PPP2R5C: variants seen among roughly 807,000 people sequenced by gnomAD.
The protein encoded by PPP2R5C is protein phosphatase 2 regulatory subunit B'gamma.
A neutral mutation model predicts 68.9 loss-of-function variants in PPP2R5C; 7 were observed. The ratio of observed to expected loss-of-function variants is 0.10; its 90% confidence interval spans 0.06 to 0.19. PPP2R5C has a LOEUF of 0.19. PPP2R5C is among the 10% of genes least tolerant of loss of function. The pLI is 1.00. For synonymous variants in PPP2R5C, 210 were observed against 222.2 expected (o/e 0.95, Z 0.49); for missense variants, 348 against 641.3 (o/e 0.54, Z 4.94).
chr14:101,791,417 A>T (rs902385338), intron 3 of PPP2R5C, among the ~76,000 whole-genome samples: 5 of 152,182 alleles, frequency 3.3e-5, no homozygotes, highest in African/African-American at 1.2e-4. Flanking sequence ...CCCAGATATG[A>T]GTCCTTTATT....
intron 5 of PPP2R5C, among the ~76,000 whole-genome samples, chr14:101,884,255 G>A (rs572701508): frequency 4.6e-5 from 7 of 152,262 alleles, no homozygotes; most frequent in South Asian, 4.1e-4. Flanking sequence ...TGGCCGCACC[G>A]GCAGCTGATT....
intron 2 of PPP2R5C, among the ~76,000 whole-genome samples, chr14:101,769,855 G>A (rs1396838691): frequency 6.6e-6 from 1 of 152,124 alleles, no homozygotes; most frequent in East Asian, 1.9e-4. Flanking sequence ...TAATGAGGGG[G>A]TACGTTCTGA....
intron 3 of PPP2R5C, among the ~76,000 whole-genome samples, chr14:101,798,861 G>A (rs1447706962): frequency 6.6e-6 from 1 of 152,172 alleles, no homozygotes; most frequent in Non-Finnish European, 1.5e-5. Flanking sequence ...GGAGGTGAGT[G>A]GAAGGCATCC....
intron 1 of PPP2R5C, chr14:101,810,359 G>C: frequency 4.3e-6 from 1 of 230,596 alleles, no homozygotes; most frequent in Non-Finnish European, 8.5e-6. Context: ...ATTGGGTGGG[G>C]GTAGGAAGGA....
intron 1 of PPP2R5C, among the ~76,000 whole-genome samples, chr14:101,852,254 A>G (rs2042198958): frequency 6.6e-6 from 1 of 152,136 alleles, no homozygotes; most frequent in African/African-American, 2.4e-5. Context: ...TCTAGATATC[A>G]CTGACCAGTG....
At chr14:101,883,620 G>T in intron 5 of PPP2R5C, 58 bp downstream of exon 7, 1 of 1,582,516 alleles carries the variant, frequency 6.3e-7, no homozygotes, top group Non-Finnish European at 8.6e-7. Context: ...TTCCCCCCTC[G>T]ATGCTCCCCT....
chr14:101,867,307 G>A, intron 2 of PPP2R5C, among the ~76,000 whole-genome samples: 1 of 152,028 alleles, frequency 6.6e-6, no homozygotes, highest in East Asian at 1.9e-4. Context: ...CTCGGTCGGG[G>A]CTGAGGTGGG....
At chr14:101,896,655 A>AT (rs11457137) in intron 8 of PPP2R5C, among the ~76,000 whole-genome samples, 6 of 150,446 alleles carry the variant, frequency 4.0e-5, no homozygotes, top group African/African-American at 1.2e-4. Context: ...AAAAAAAAAA[A>AT]GTGTATATCT....
At position 101,906,302 on chromosome 14, in the gene PPP2R5C, C is replaced by A; in HGVS notation, c.1024-100C>A. ...GTAGAAATAATCATAATTTTCTGGT[C>A]CAAGGTAGTTCATTACCCGACTCAC... On this transcript the variant is annotated intron_variant, in intron 9 of 13. Transcript: ENST00000334743. The surrounding 1 kb of genome is among the most constrained non-coding windows in gnomAD (Gnocchi z 4.0). 2.3e-6 allele frequency: 3 copies of A among 1,282,590 alleles called. No individual in the cohort carries two copies. Among genetic ancestry groups the A allele is most frequent in the Non-Finnish European group, 3.2e-6 (3 of 941,646 alleles). 79.5% of individuals were successfully genotyped at this position (1,282,590 alleles called of 1,614,324 possible).
intron 1 of PPP2R5C, chr14:101,836,513 C>G (rs896255537): frequency 5.1e-6 from 3 of 587,092 alleles, no homozygotes; most frequent in East Asian, 5.5e-5. Context: ...GCAGATAGTT[C>G]TTTTTCAAAA....
intron 1 of PPP2R5C, among the ~76,000 whole-genome samples, chr14:101,848,023 C>G (rs72715671): frequency 0.1 from 15,732 of 152,142 alleles, 927 homozygotes; most frequent in Non-Finnish European, 0.13. Flanking sequence ...TGCTCCCCAC[C>G]CATGCTTTAG....
chr14:101,790,208 C>G (rs1459201618), intron 3 of PPP2R5C, among the ~76,000 whole-genome samples: 1 of 152,024 alleles, frequency 6.6e-6, no homozygotes, highest in Non-Finnish European at 1.5e-5. Flanking sequence ...CAGCCCTATC[C>G]CTAGATTTTA....
At chr14:101,763,816 G>A (rs2036695770) in intron 2 of PPP2R5C, among the ~76,000 whole-genome samples, 1 of 152,170 alleles carries the variant, frequency 6.6e-6, no homozygotes, top group Admixed American at 6.5e-5. Context: ...CACTTCCATT[G>A]CAAGCTGCCA....
intron 2 of PPP2R5C, among the ~76,000 whole-genome samples, chr14:101,768,062 C>T (rs916093475): frequency 7.9e-5 from 12 of 152,322 alleles, no homozygotes; most frequent in African/African-American, 2.9e-4. Flanking sequence ...CAGTGGTCCT[C>T]TACTTTGTAG....
chr14:101,822,122 C>G (rs1321963462), intron 1 of PPP2R5C, among the ~76,000 whole-genome samples: 2 of 123,586 alleles, frequency 1.6e-5, no homozygotes, highest in Non-Finnish European at 3.2e-5. Flanking sequence ...ATTATTACAT[C>G]AAATCATACA....
intron 1 of PPP2R5C, chr14:101,843,798 C>A (rs150914996): frequency 8.9e-6 from 2 of 224,906 alleles, no homozygotes; most frequent in South Asian, 7.0e-5. Flanking sequence ...AGGGGGAGAT[C>A]GCTTTCCAGA....
rs78827849 is a variant in PPP2R5C, at chr14:101,891,622, G to T, written c.689+1326G>T. Among the ~76,000 whole-genome samples, 1 of 151,996 alleles carries T rather than the reference G, an allele frequency of 6.6e-6. No individual in the cohort carries two copies. The highest frequency in any genetic ancestry group is 1.9e-4 in the East Asian group (1 of 5,146). On this transcript the variant is annotated intron_variant, in intron 6 of 13. Coordinates refer to ENST00000334743, the Ensembl canonical transcript of PPP2R5C. The surrounding 1 kb of genome is among the most constrained non-coding windows in gnomAD (Gnocchi z 4.9). ...GTAGGGCCCCCGTGTGCATAGGGCC[G>T]CCGGGCAGCTCCCGCCGAGAGGCTG...
At chr14:101,890,475 A>G (rs1595482783) in intron 6 of PPP2R5C, among the ~76,000 whole-genome samples, 179 bp downstream of exon 8, 1 of 152,240 alleles carries the variant, frequency 6.6e-6, no homozygotes, top group Non-Finnish European at 1.5e-5. Flanking sequence ...AGCACGCCAA[A>G]TGACAAATCT....
chr14:101,780,475 G>A (rs919278109), intron 2 of PPP2R5C, among the ~76,000 whole-genome samples: 1 of 152,186 alleles, frequency 6.6e-6, no homozygotes, highest in Non-Finnish European at 1.5e-5. Context: ...AGTTGTCGCC[G>A]CTTGGGGGGA....
Sources: gnomAD v4.1 joint callset for allele counts (sites outside exome capture counted in the v4.1 genomes callset) on GRCh38, gnomAD v4.1.1 for gene constraint, Gnocchi (gnomAD v3.1) non-coding constraint, MANE v1.5 for transcripts, NCBI Gene and HGNC (gene_info 2026-07-23, HGNC 2026-07-21) for gene names.